The following AFF4 variants were observed in gnomAD, a reference collection of about 807,000 sequenced individuals.
The protein encoded by AFF4 is ALF transcription elongation factor 4, also known as AF4/FMR2 family member 4.
In AFF4, 13 loss-of-function variants were observed where a neutral mutation model predicts 124.8. The observed-to-expected ratio is 0.10, with a 90% CI of 0.07 to 0.17. The LOEUF is 0.17. Ranked by LOEUF, AFF4 falls within the 10% of genes least tolerant of loss-of-function variation. The pLI is 1.00. For missense variants in AFF4, 1,092 were observed against 1,403.8 expected (o/e 0.78, Z 3.55); for synonymous variants, 477 against 496.1 (o/e 0.96, Z 0.51).
At position 132,905,048 on chromosome 5, in the gene AFF4, C is replaced by CAAA. The variant is rs66981854; in HGVS notation, c.1051-647_1051-645dup. Among the ~76,000 whole-genome samples the CAAA allele has an allele frequency of 8.8e-4, 104 of 118,120 alleles. 1 individual carries two copies. The South Asian group carries it at 0.013, about 14-fold the overall frequency. The allele number at this position is 118,120 out of a possible 152,430, so 77.5% of individuals were successfully genotyped here. On this transcript the variant is annotated intron_variant, in intron 5 of 20. Transcript: ENST00000265343. ...CTGGCAACAGGGCGAGACTCCATCT[C>CAAA]AAAAAAAAAAAAAAAAAAGTATACC...
At chr5:132,923,288 C>A (rs1283820856) in intron 5 of AFF4, among the ~76,000 whole-genome samples, 1 of 151,634 alleles carries the variant, frequency 6.6e-6, no homozygotes, top group East Asian at 1.9e-4. Flanking sequence ...GAGGTCGAGG[C>A]TGCAATGAGC....
intron 5 of AFF4, chr5:132,926,272 TA>T (rs1250863355): frequency 4.4e-6 from 2 of 449,486 alleles, no homozygotes; most frequent in African/African-American, 4.0e-5. Flanking sequence ...AGGCTATTAT[TA>T]GGGGGACTGG....
At chr5:132,942,369 A>T (rs892963249) in intron 1 of AFF4, among the ~76,000 whole-genome samples, 3 of 152,168 alleles carry the variant, frequency 2.0e-5, no homozygotes, top group African/African-American at 4.8e-5. Flanking sequence ...AGGAGCTTCA[A>T]TTCCCTTGGA....
At chr5:132,952,578 C>G (rs1761870480) in intron 1 of AFF4, among the ~76,000 whole-genome samples, 1 of 152,118 alleles carries the variant, frequency 6.6e-6, no homozygotes, top group African/African-American at 2.4e-5. Context: ...TATATCCTCT[C>G]CTTACATTCC....
chr5:132,963,220 C>G (rs1440637664), intron 1 of AFF4, 39 bp downstream of exon 1: 4 of 388,490 alleles, frequency 1.0e-5, no homozygotes, highest in Non-Finnish European at 1.8e-5. Flanking sequence ...ACCCCCGCGG[C>G]CCGGCCCGGC....
intron 19 of AFF4, 102 bp from the exon 20 acceptor site, chr5:132,883,662 A>G (rs1254195071): frequency 8.5e-6 from 9 of 1,055,128 alleles, no homozygotes; most frequent in Non-Finnish European, 1.2e-5. Flanking sequence ...AAATGTAAAG[A>G]TTCTCTTAAA....
At position 132,888,745 on chromosome 5, in the gene AFF4, G is replaced by A. The variant is rs181975776; in HGVS notation, c.2732+334C>T. ...CGGAGTCTCGCTCTGTTGCCCAGGC[G>A]GGAGTACAGTGGCACAATCTCGGCT... is the stretch of plus-strand genomic sequence containing the variant. On this transcript the variant is annotated intron_variant, in intron 14 of 20. Transcript: ENST00000265343. Among the ~76,000 whole-genome samples, 825 of 151,722 alleles carry A rather than the reference G, an allele frequency of 5.4e-3. 7 individuals carry two copies. The highest frequency in any genetic ancestry group is 0.015 in the African/African-American group (608 of 41,358).
chr5:132,957,019 CAAAAAAAAAAAAAAAAAAA>C (rs1180577709), intron 1 of AFF4, among the ~76,000 whole-genome samples: 17 of 40,790 alleles, frequency 4.2e-4, no homozygotes, highest in Non-Finnish European at 5.4e-4. Flanking sequence ...GACTTCGTCT[CAAAAAAAAAAAAAAAAAAA>C]AAAAAAAAAA....
chr5:132,956,772 A>C (rs1280508345), intron 1 of AFF4, among the ~76,000 whole-genome samples: 2 of 152,028 alleles, frequency 1.3e-5, no homozygotes, highest in Non-Finnish European at 2.9e-5. Flanking sequence ...CTGTAACCCC[A>C]GCACTTTGGG....
At position 132,947,726 on chromosome 5, in the gene AFF4, C is replaced by G. The variant is rs140406541; in HGVS notation, c.-4-10533G>C. Among the ~76,000 whole-genome samples, 108 of 152,274 alleles carry G rather than the reference C, an allele frequency of 7.1e-4. 1 individual carries two copies. The highest frequency in any genetic ancestry group is 1.7e-3 in the South Asian group (8 of 4,828). ...ACAGTACATAAATCCCTCTTGGCCT[C>G]ATTTGGTAGAATTTCTCTACCCATG... On this transcript the variant is annotated intron_variant, in intron 1 of 20. Coordinates refer to ENST00000265343, the MANE Select transcript of AFF4 (RefSeq NM_014423.4).
chr5:132,926,351 A>G (rs545175611), intron 5 of AFF4: 5 of 272,022 alleles, frequency 1.8e-5, no homozygotes, highest in African/African-American at 8.8e-5. Flanking sequence ...ACTGTTAAGT[A>G]TAAGTTTAAA....
chr5:132,906,654 G>A (rs1760677953), intron 5 of AFF4, among the ~76,000 whole-genome samples: 1 of 152,140 alleles, frequency 6.6e-6, no homozygotes. Context: ...GTTTCTTTTT[G>A]AGTTGATGAT....
Position 132,949,393 on chromosome 5 carries a change from T to C in AFF4, c.-4-12200A>G, listed in dbSNP as rs1026934400. Among the ~76,000 whole-genome samples the C allele has an allele frequency of 3.3e-5, 5 of 152,248 alleles. No individual in the cohort carries two copies. The East Asian group carries it at 5.8e-4, about 18-fold the overall frequency. On this transcript the variant is annotated intron_variant, in intron 1 of 20. Transcript: ENST00000265343. The stretch of plus-strand genomic sequence containing the variant: ...ATTATTTTTCTGCTTTAAGAAACAA[T>C]GGGCCAGGCCCAGTGGCTCATACCT...
chr5:132,904,393 C>T lies in AFF4; in HGVS notation c.1062G>A (p.Gln354=), dbSNP rs764565803. Residue 354 remains glutamine (Q), a synonymous_variant, in exon 6 of 21, where the codon CAG becomes CAA. Coordinates refer to ENST00000265343, the MANE Select transcript of AFF4 (RefSeq NM_014423.4). ...TTTGTTCTCCAGTGCCAAAATTGGA[C>T]TGCTGAGACTCCTAAGAAAAAGGAA... ...KFPFPTKESQ[Q]SNFGTGEQKR... is the part of the protein sequence containing the mutation. The T allele has an allele frequency of 4.3e-6, 7 of 1,610,462 alleles. No individual in the cohort carries two copies. The highest frequency in any genetic ancestry group is 5.1e-6 in the Non-Finnish European group (6 of 1,178,568).
At chr5:132,890,436 C>A (rs1760226960) in intron 13 of AFF4, among the ~76,000 whole-genome samples, 2 of 152,076 alleles carry the variant, frequency 1.3e-5, no homozygotes, top group Non-Finnish European at 1.5e-5. Flanking sequence ...GCCTGGCCCC[C>A]TCTATGTTTT....
intron 1 of AFF4, chr5:132,942,859 A>AG (rs1354006886): frequency 5.4e-6 from 1 of 185,076 alleles, no homozygotes; most frequent in East Asian, 1.3e-4. Flanking sequence ...TGGGAGGCCG[A>AG]GGCATGAGGA....
chr5:132,893,683 A>G (rs1760319235), intron 11 of AFF4, among the ~76,000 whole-genome samples: 1 of 152,096 alleles, frequency 6.6e-6, no homozygotes, highest in South Asian at 2.1e-4. Flanking sequence ...GGGTTTCACC[A>G]TGGCCAGGAT....
chr5:132,898,093 G>A (rs1281986747), intron 10 of AFF4, 137 bp downstream of exon 10: 6 of 1,125,134 alleles, frequency 5.3e-6, no homozygotes, highest in Middle Eastern at 3.0e-4. Flanking sequence ...TTCCTCCAAC[G>A]TACACAGTAC....
At chr5:132,955,458 G>A (rs1761931600) in intron 1 of AFF4, among the ~76,000 whole-genome samples, 1 of 152,092 alleles carries the variant, frequency 6.6e-6, no homozygotes, top group Admixed American at 6.6e-5. Flanking sequence ...ATGCTCACTT[G>A]CATAGTGTAC....
Sources: allele counts gnomAD v4.1 joint callset (sites outside exome capture counted in the v4.1 genomes callset), GRCh38; gene constraint gnomAD v4.1.1; transcripts MANE v1.5; gene names NCBI Gene and HGNC (gene_info 2026-07-23, HGNC 2026-07-21).